PPFIA2: variants seen among roughly 807,000 people sequenced by gnomAD.
PPFIA2 encodes liprin-alpha-2.
In PPFIA2, 46 loss-of-function variants were observed where a neutral mutation model predicts 175.5. The observed-to-expected ratio is 0.26, with a 90% CI of 0.21 to 0.34. The LOEUF (loss-of-function observed/expected upper bound fraction) is 0.34, where lower values mean the gene tolerates loss of function less well. Among genes scored for constraint, PPFIA2 ranks in the 10% least tolerant of loss-of-function variants. PPFIA2 has a pLI of 1.00. For missense variants in PPFIA2, 1,179 were observed against 1,506.1 expected, an observed-to-expected ratio of 0.78 and a Z score of 3.60; for synonymous variants, 568 against 511.4, an observed-to-expected ratio of 1.11 and a Z score of -1.49.
intron 4 of PPFIA2, among the ~76,000 whole-genome samples, chr12:81,459,450 T>C (rs1355224632): frequency 6.6e-6 from 1 of 152,132 alleles, no homozygotes; most frequent in Non-Finnish European, 1.5e-5. Context: ...ACATAACATC[T>C]GTATATTTAT....
At chr12:81,482,114 G>A (rs1367054636) in intron 4 of PPFIA2, among the ~76,000 whole-genome samples, 1 of 152,088 alleles carries the variant, frequency 6.6e-6, no homozygotes, top group Non-Finnish European at 1.5e-5. Flanking sequence ...AGACATTTAT[G>A]CGGCCAACAA....
chr12:81,640,243 T>C (rs1322063724), intron 4 of PPFIA2, among the ~76,000 whole-genome samples: 1 of 152,092 alleles, frequency 6.6e-6, no homozygotes, highest in Non-Finnish European at 1.5e-5. Context: ...AAGAGTTCTT[T>C]ACCTATACGA....
intron 5 of PPFIA2, among the ~76,000 whole-genome samples, chr12:81,452,998 A>ATT (rs147380144): frequency 6.6e-5 from 10 of 150,984 alleles, no homozygotes; most frequent in Non-Finnish European, 5.9e-5. Context: ...TTTTTTTTTA[A>ATT]TTTTTTTTTA....
chr12:81,525,448 T>A (rs1485499626), intron 4 of PPFIA2, among the ~76,000 whole-genome samples: 2 of 152,114 alleles, frequency 1.3e-5, no homozygotes, highest in Non-Finnish European at 2.9e-5. Context: ...GTAAGGGAAA[T>A]ATTCCTGCTG....
chr12:81,539,026 C>A (rs532721552), intron 4 of PPFIA2, among the ~76,000 whole-genome samples: 1 of 151,714 alleles, frequency 6.6e-6, no homozygotes, highest in Non-Finnish European at 1.5e-5. Flanking sequence ...ATAGAGGTGG[C>A]GAAATGTGGT....
intron 3 of PPFIA2, among the ~76,000 whole-genome samples, chr12:81,704,042 C>T (rs185916979): frequency 1.3e-5 from 2 of 152,164 alleles, no homozygotes; most frequent in East Asian, 3.9e-4. Context: ...TGTATTTCTG[C>T]TAACACAAAT....
At chr12:81,432,449 C>T (rs952656505) in intron 7 of PPFIA2, among the ~76,000 whole-genome samples, 3 of 148,798 alleles carry the variant, frequency 2.0e-5, no homozygotes, top group Non-Finnish European at 3.0e-5. Context: ...TACTGGCCTT[C>T]GGAGCAGAAC....
At chr12:81,591,348 G>T (rs935316174) in intron 4 of PPFIA2, among the ~76,000 whole-genome samples, 1 of 152,172 alleles carries the variant, frequency 6.6e-6, no homozygotes, top group Non-Finnish European at 1.5e-5. Context: ...TTGAAAATGT[G>T]CAGCCTGACA....
At position 81,753,951 on chromosome 12, in the gene PPFIA2, C is replaced by T. The variant is rs764097133; in HGVS notation, c.249+22G>A. 2.5e-6 allele frequency: 4 copies of T among 1,610,948 alleles called. No individual in the cohort carries two copies. In the Admixed American group the frequency reaches 6.7e-5, roughly 27 times the overall value. Reference sequence around the variant, plus strand: ...AAATGTTCAATTACAATAGGAGAAACAAAGGCTACCAGGAAGCATACCTGT... The same window carrying T: ...AAATGTTCAATTACAATAGGAGAAATAAAGGCTACCAGGAAGCATACCTGT... On this transcript the variant is annotated intron_variant, in intron 3 of 32. Coordinates refer to ENST00000549396, the MANE Select transcript of PPFIA2 (RefSeq NM_003625.5).
At chr12:81,540,584 T>G (rs1021535941) in intron 4 of PPFIA2, among the ~76,000 whole-genome samples, 10 of 152,050 alleles carry the variant, frequency 6.6e-5, no homozygotes, top group African/African-American at 2.4e-4. Flanking sequence ...CAATTTTAAA[T>G]TTTAAATAAA....
intron 3 of PPFIA2, among the ~76,000 whole-genome samples, chr12:81,710,356 CAT>C (rs1295419206): frequency 6.6e-6 from 1 of 151,842 alleles, no homozygotes; most frequent in African/African-American, 2.4e-5. Context: ...ACTTATCACA[CAT>C]GTACATGCTA....
At chr12:81,627,838 C>T (rs1355046752) in intron 4 of PPFIA2, among the ~76,000 whole-genome samples, 2 of 151,904 alleles carry the variant, frequency 1.3e-5, no homozygotes, top group Non-Finnish European at 2.9e-5. Context: ...TTTTTTCCAT[C>T]TAGTAAATGC....
At chr12:81,700,098 T>A (rs1406206326) in intron 3 of PPFIA2, among the ~76,000 whole-genome samples, 1 of 152,018 alleles carries the variant, frequency 6.6e-6, no homozygotes, top group Non-Finnish European at 1.5e-5. Flanking sequence ...CCTCTTCACC[T>A]GAGCTCCCCT....
At chr12:81,609,049 T>A (rs1163494537) in intron 4 of PPFIA2, among the ~76,000 whole-genome samples, 1 of 152,030 alleles carries the variant, frequency 6.6e-6, no homozygotes, top group Non-Finnish European at 1.5e-5. Flanking sequence ...CCAGGGATTA[T>A]TCAGGAGTAA....
intron 4 of PPFIA2, among the ~76,000 whole-genome samples, chr12:81,640,613 T>C (rs1172794217): frequency 6.6e-6 from 1 of 152,148 alleles, no homozygotes; most frequent in Non-Finnish European, 1.5e-5. Flanking sequence ...TAGTGCCCCA[T>C]CATCCATTTC....
chr12:81,636,990 G>T (rs572899916), intron 4 of PPFIA2, among the ~76,000 whole-genome samples: 1 of 151,942 alleles, frequency 6.6e-6, no homozygotes, highest in South Asian at 2.1e-4. Flanking sequence ...TCTTAAAATG[G>T]AATTTTCTCC....
intron 4 of PPFIA2, among the ~76,000 whole-genome samples, chr12:81,651,715 C>T (rs1272109889): frequency 6.6e-6 from 1 of 152,120 alleles, no homozygotes; most frequent in African/African-American, 2.4e-5. Context: ...AAAACTGATG[C>T]TCTGTGAGAA....
rs569698982 is a variant in PPFIA2, at chr12:81,294,561, T to G, written c.2925+274A>C. The G allele has an allele frequency of 9.8e-5, 33 of 336,094 alleles. 1 individual carries two copies. The South Asian group carries it at 1.6e-3, about 16-fold the overall frequency. The allele number at this position is 336,094 out of a possible 1,614,324, so 20.8% of individuals were successfully genotyped here. On this transcript the variant is annotated intron_variant, in intron 24 of 32. Coordinates refer to ENST00000549396, the MANE Select transcript of PPFIA2 (RefSeq NM_003625.5). The stretch of plus-strand genomic sequence containing the variant: ...AGGAAGGAAGGAATTGAAAAAAGAG[T>G]AAGCTCAGGGTCTTGTCGCTTGGGA...
intron 3 of PPFIA2, among the ~76,000 whole-genome samples, chr12:81,681,194 T>A (rs2073562820): frequency 6.6e-6 from 1 of 152,050 alleles, no homozygotes; most frequent in Non-Finnish European, 1.5e-5. Context: ...ATTTTTATCA[T>A]CAATGCTGAA....
Sources: allele counts gnomAD v4.1 joint callset (sites outside exome capture counted in the v4.1 genomes callset), GRCh38; gene constraint gnomAD v4.1.1; transcripts MANE v1.5; gene names NCBI Gene and HGNC (gene_info 2026-07-23, HGNC 2026-07-21).